The following SPAG17 variants were observed in gnomAD, a reference collection of about 807,000 sequenced individuals.
SPAG17 encodes the protein sperm associated antigen 17.
SPAG17 carries 169 observed loss-of-function variants against 273.6 expected under a neutral mutation model. The ratio of observed to expected loss-of-function variants is 0.62; its 90% CI spans 0.55 to 0.70. SPAG17 has a LOEUF of 0.70. Ranked by LOEUF, SPAG17 falls within the 30% of genes least tolerant of loss-of-function variation. The probability of loss-of-function intolerance (pLI) is 0.00; values close to 1 mark genes in which losing one functional copy is unlikely to be tolerated. For synonymous variants in SPAG17, 825 were observed against 873.2 expected, an observed-to-expected ratio of 0.94 and a Z score of 0.97; for missense variants, 2,557 against 2,627.8, an observed-to-expected ratio of 0.97 and a Z score of 0.59.
chr1:118,088,548 C>A (rs1291810752), intron 10 of SPAG17, among the ~76,000 whole-genome samples: 9 of 151,830 alleles, frequency 5.9e-5, no homozygotes, highest in Non-Finnish European at 2.9e-5. Flanking sequence ...CTAAGACAAT[C>A]AAAAACCAGA....
At chr1:118,025,456 C>A in intron 26 of SPAG17, 40 bp from the exon 27 acceptor site, 1 of 1,330,158 alleles carries the variant, frequency 7.5e-7, no homozygotes. Flanking sequence ...CTGGACAATG[C>A]TGCAGGGCTG....
rs1230694603 is a variant in SPAG17, at chr1:118,086,987, G to A, written c.1381C>T (p.Leu461Phe). 6.4e-7 allele frequency: 1 copy of A among 1,568,952 alleles called. No individual in the cohort carries two copies. Among genetic ancestry groups the A allele is most frequent in the East Asian group, 2.3e-5 (1 of 44,416 alleles). Reference sequence around the variant, plus strand: ...GGCTCCCGCAGACTGGGTGGGACGAGATCTTCTTCAGTTGCAACAACCTGT... The same window carrying A: ...GGCTCCCGCAGACTGGGTGGGACGAAATCTTCTTCAGTTGCAACAACCTGT... ...LEQVVATEED[L>F]VPPSLREPSP... is the part of the protein sequence containing the mutation. The change falls in exon 11 of 49, where the codon CTC (leucine) becomes TTC (phenylalanine). Residue 461 changes from leucine to phenylalanine, a missense_variant. By Grantham distance (22) the Leu-to-Phe change is conservative. Coordinates refer to ENST00000336338, the MANE Select transcript of SPAG17 (RefSeq NM_206996.4).
chr1:118,145,656 T>C (rs1658940513), intron 3 of SPAG17, among the ~76,000 whole-genome samples: 1 of 152,094 alleles, frequency 6.6e-6, no homozygotes, highest in Non-Finnish European at 1.5e-5. Flanking sequence ...ATATATTTGT[T>C]AAAAAGTTAT....
intron 2 of SPAG17, among the ~76,000 whole-genome samples, chr1:118,150,982 A>G (rs1367429211): frequency 6.6e-6 from 1 of 152,198 alleles, no homozygotes; most frequent in Non-Finnish European, 1.5e-5. Context: ...AGAACCTAGC[A>G]TGGTGCCTGG....
At chr1:118,155,858 A>C (rs1321359776) in intron 1 of SPAG17, among the ~76,000 whole-genome samples, 6 of 152,204 alleles carry the variant, frequency 3.9e-5, no homozygotes, top group Non-Finnish European at 5.9e-5. Flanking sequence ...TTTCCTTCAA[A>C]AAAAGTCTTG....
At chr1:118,112,126 T>A (rs974597021) in intron 4 of SPAG17, among the ~76,000 whole-genome samples, 2 of 152,092 alleles carry the variant, frequency 1.3e-5, no homozygotes, top group African/African-American at 4.8e-5. Flanking sequence ...TTCATTTTTT[T>A]AATTATCAAG....
At chr1:118,147,214 T>C (rs1215618521) in intron 3 of SPAG17, among the ~76,000 whole-genome samples, 1 of 152,242 alleles carries the variant, frequency 6.6e-6, no homozygotes, top group Non-Finnish European at 1.5e-5. Context: ...ATATTAATAT[T>C]CCTTCCTCTC....
chr1:118,046,911 G>A (rs1383235244), intron 20 of SPAG17, among the ~76,000 whole-genome samples: 1 of 152,128 alleles, frequency 6.6e-6, no homozygotes, highest in Non-Finnish European at 1.5e-5. Context: ...AAGGATCATA[G>A]AGAATATATA....
At chr1:117,973,633 G>A (rs1654815507) in intron 43 of SPAG17, 72 bp from the exon 44 acceptor site, 1 of 1,445,102 alleles carries the variant, frequency 6.9e-7, no homozygotes, top group Non-Finnish European at 9.2e-7. Flanking sequence ...ATATCAGAAT[G>A]TATGACAACA....
intron 36 of SPAG17, 92 bp from the exon 37 acceptor site, chr1:117,991,620 A>T: frequency 1.3e-6 from 1 of 743,874 alleles, no homozygotes; most frequent in Admixed American, 2.7e-5. Flanking sequence ...ATTACAAAAA[A>T]TGAAGAATAT....
chr1:118,123,928 GA>G (rs2102278702), intron 3 of SPAG17, among the ~76,000 whole-genome samples: 1 of 152,322 alleles, frequency 6.6e-6, no homozygotes, highest in South Asian at 2.1e-4. Context: ...AAAATGTAAT[GA>G]ATTTCCTACG....
In SPAG17 at chr1:118,054,062, T is replaced by G. The variant is rs1195198184; in HGVS notation, c.2754A>C (p.Ser918=). Residue 918 remains serine (S), a synonymous_variant, in exon 20 of 49, where the codon TCA becomes TCC. Coordinates refer to ENST00000336338, the MANE Select transcript of SPAG17 (RefSeq NM_206996.4). The stretch of plus-strand genomic sequence containing the variant: ...CCTTCTCTTTTTCTTTTTCTTGATC[T>G]GATATCTCTGTTTTGCTGATTCCTT... ...SNKGISKTEI[S]DQEKEKEKEK... The G allele has an allele frequency of 1.2e-6, 2 of 1,607,150 alleles. No homozygotes were observed. Among genetic ancestry groups the G allele is most frequent in the Non-Finnish European group, 1.7e-6 (2 of 1,176,412 alleles).
At chr1:118,072,903 A>C (rs1653743068) in intron 17 of SPAG17, among the ~76,000 whole-genome samples, 2 of 152,100 alleles carry the variant, frequency 1.3e-5, no homozygotes, top group Admixed American at 6.5e-5. Context: ...CACAAAACTA[A>C]AACTAAACAA....
chr1:118,147,186 G>A (rs1477745574), intron 3 of SPAG17, among the ~76,000 whole-genome samples: 1 of 152,098 alleles, frequency 6.6e-6, no homozygotes, highest in East Asian at 1.9e-4. Flanking sequence ...TTTGCTTCTT[G>A]AGGTTAGAGT....
At chr1:118,020,176 T>C (rs1660364180) in intron 28 of SPAG17, among the ~76,000 whole-genome samples, 2 of 152,166 alleles carry the variant, frequency 1.3e-5, no homozygotes, top group Non-Finnish European at 2.9e-5. Context: ...TCCAGCACTC[T>C]GGGGGGCCAA....
intron 4 of SPAG17, among the ~76,000 whole-genome samples, chr1:118,109,166 G>A (rs1373385075): frequency 1.3e-5 from 2 of 149,440 alleles, no homozygotes; most frequent in African/African-American, 4.9e-5. Flanking sequence ...TTTTTGAGAC[G>A]GAGTCTTGTT....
intron 4 of SPAG17, among the ~76,000 whole-genome samples, chr1:118,107,243 C>T (rs1264849339): frequency 6.6e-6 from 1 of 152,074 alleles, no homozygotes; most frequent in South Asian, 2.1e-4. Context: ...CTCCTGATTT[C>T]TCCATACCTG....
At chr1:118,167,110 A>G (rs890458691) in intron 1 of SPAG17, among the ~76,000 whole-genome samples, 1 of 152,150 alleles carries the variant, frequency 6.6e-6, no homozygotes, top group Non-Finnish European at 1.5e-5. Flanking sequence ...TATTTCAAAA[A>G]CTTTAATGCA....
At chr1:118,031,951 T>C in intron 24 of SPAG17, 84 bp from the exon 25 acceptor site, 4 of 1,147,606 alleles carry the variant, frequency 3.5e-6, no homozygotes, top group South Asian at 3.5e-5. Flanking sequence ...ACTCAAAAAT[T>C]TACACAAGTT....
Sources: gnomAD v4.1 joint callset for allele counts (sites outside exome capture counted in the v4.1 genomes callset) on GRCh38, gnomAD v4.1.1 for gene constraint, MANE v1.5 for transcripts, NCBI Gene and HGNC (gene_info 2026-07-23, HGNC 2026-07-21) for gene names.